Variants in GBP2 observed in about 807,000 individuals in gnomAD.
GBP2 encodes guanylate-binding protein 2.
GBP2 carries 54 observed loss-of-function variants against 60.8 expected under a neutral mutation model. The ratio of observed to expected loss-of-function variants is 0.89; its 90% confidence interval spans 0.71 to 1.11. GBP2 has a LOEUF of 1.11. Ranked by LOEUF, GBP2 falls within the 50% of genes most tolerant of loss-of-function variation. GBP2 has a pLI of 0.00. For synonymous variants in GBP2, 243 were observed against 256.5 expected (o/e 0.95, Z 0.50); for missense variants, 665 against 703.3 (o/e 0.95, Z 0.62).
chr1:89,118,301 A>G (rs1681322031), intron 4 of GBP2: 1 of 152,600 alleles, frequency 6.6e-6, no homozygotes, highest in African/African-American at 2.4e-5. Context: ...TGAAGAAACC[A>G]GTCATGTACA....
intron 6 of GBP2, among the ~76,000 whole-genome samples, chr1:89,116,528 A>G (rs1681276812): frequency 6.6e-6 from 1 of 152,124 alleles, no homozygotes; most frequent in Non-Finnish European, 1.5e-5. Flanking sequence ...GAATGAGGAT[A>G]AAAGTCACAT....
intron 2 of GBP2, 107 bp from the exon 3 acceptor site, chr1:89,121,377 A>G (rs1217041568): frequency 2.1e-6 from 2 of 969,012 alleles, no homozygotes; most frequent in Non-Finnish European, 3.0e-6. Flanking sequence ...AAGAAAATAC[A>G]ACTGGCATAA....
rs1024339018 is a variant in GBP2, at chr1:89,106,208, A to G, written c.*1967T>C. On this transcript the variant is annotated 3_prime_UTR_variant, in exon 11 of 11. Coordinates refer to ENST00000370466, the MANE Select transcript of GBP2 (RefSeq NM_004120.5). ...TGAGAGTGACTAATGAACAAACAGG[A>G]AAGAAATGTTCCGATTAAGTAAAAG... is the stretch of plus-strand genomic sequence containing the variant. 2 of 152,174 alleles carry G rather than the reference A, an allele frequency of 1.3e-5. No homozygotes were observed. Among genetic ancestry groups the G allele is most frequent in the Non-Finnish European group, 2.9e-5 (2 of 68,024 alleles). The allele number at this position is 152,174 out of a possible 1,614,324, so 9.4% of individuals were successfully genotyped here. A position where few individuals can be genotyped will look rare whatever the true frequency, so the allele number is the denominator to read the frequency against.
At position 89,109,658 on chromosome 1, in the gene GBP2, A is replaced by C; in HGVS notation, c.1659+19T>G. 4 of 1,607,958 alleles carry C rather than the reference A, an allele frequency of 2.5e-6. No individual in the cohort carries two copies. The highest frequency in any genetic ancestry group is 3.4e-6 in the Non-Finnish European group (4 of 1,177,004). ...TATGGGGCACTGGAAGAGAAAATTG[A>C]GATGATGCAATTGAATACCTGAAGT... On this transcript the variant is annotated intron_variant, in intron 10 of 10. Transcript: ENST00000370466.
At chr1:89,118,010 T>A in intron 4 of GBP2, 1 of 332,436 alleles carries the variant, frequency 3.0e-6, no homozygotes, top group Non-Finnish European at 5.4e-6. Context: ...CTATAGAGCT[T>A]ACATTCTAAT....
In GBP2 at chr1:89,121,873, A is replaced by C; in HGVS notation, c.94T>G (p.Ser32Ala). ...ACCACCACAGGCTGCGTAATTGCAGATAGGATCTTCAGAGCTTCTGGATTC... is the reference window on the plus strand; with the variant it reads ...ACCACCACAGGCTGCGTAATTGCAGCTAGGATCTTCAGAGCTTCTGGATTC... The part of the protein sequence containing the change: ...VVNPEALKIL[S>A]AITQPVVVVA... The change falls in exon 2 of 11, where the codon TCT (serine) becomes GCT (alanine). Residue 32 changes from serine to alanine, a missense_variant. By Grantham distance (99) the Ser-to-Ala change is moderately conservative. Coordinates refer to ENST00000370466, the MANE Select transcript of GBP2 (RefSeq NM_004120.5). 6.2e-7 allele frequency: 1 copy of C among 1,614,100 alleles called. No individual in the cohort carries two copies. The highest frequency in any genetic ancestry group is 2.2e-5 in the East Asian group (1 of 44,874).
chr1:89,120,312 AAAG>A, intron 3 of GBP2, 24 bp from the exon 4 acceptor site: 2 of 1,549,838 alleles, frequency 1.3e-6, no homozygotes, highest in East Asian at 2.2e-5. Context: ...TAGAAGCCAC[AAAG>A]AAGAATGACT....
chr1:89,120,888 A>G (rs1011684681), intron 3 of GBP2, among the ~76,000 whole-genome samples: 2 of 152,204 alleles, frequency 1.3e-5, no homozygotes, highest in Non-Finnish European at 2.9e-5. Flanking sequence ...ATTTTACTAT[A>G]ATATGAAAGA....
At chr1:89,108,439 A>AT (rs1241787177) in intron 10 of GBP2, 148 bp from the exon 11 acceptor site, 14 of 489,576 alleles carry the variant, frequency 2.9e-5, no homozygotes, top group African/African-American at 6.1e-5. Context: ...TTTTTCTATG[A>AT]TTTTTTTAGC....
In GBP2 at chr1:89,121,803, A is replaced by T; in HGVS notation, c.164T>A (p.Met55Lys). The change falls in exon 2 of 11, where the codon ATG becomes AAG. Residue 55 changes from methionine (M) to lysine (K), a missense_variant. Transcript: ENST00000370466. The part of the protein sequence containing the change: ...GLYRTGKSYL[M>K]NKLAGKKNGF... ...GTTTTTCTTCCCAGCCAGCTTGTTCATCAGGTAGGATTTGCCTGTGCGATA... is the reference window on the plus strand; with the variant it reads ...GTTTTTCTTCCCAGCCAGCTTGTTCTTCAGGTAGGATTTGCCTGTGCGATA... 6.2e-7 allele frequency: 1 copy of T among 1,613,952 alleles called. No individual in the cohort carries two copies. Among genetic ancestry groups the T allele is most frequent in the Non-Finnish European group, 8.5e-7 (1 of 1,179,916 alleles).
chr1:89,113,700 G>A (rs1681210436), intron 7 of GBP2, among the ~76,000 whole-genome samples: 1 of 151,896 alleles, frequency 6.6e-6, no homozygotes, highest in Non-Finnish European at 1.5e-5. Context: ...TAATTACCAG[G>A]GAACATAAAA....
At chr1:89,112,165 A>C (rs951479843) in intron 8 of GBP2, among the ~76,000 whole-genome samples, 2 of 151,732 alleles carry the variant, frequency 1.3e-5, no homozygotes, top group Non-Finnish European at 2.9e-5. Flanking sequence ...TTTTTTTTTT[A>C]ACTGCCGTAT....
intron 4 of GBP2, chr1:89,118,728 G>GT (rs1433963595): frequency 6.6e-6 from 1 of 152,140 alleles, no homozygotes; most frequent in African/African-American, 2.4e-5. Context: ...AACTTTGATA[G>GT]TGGAGCTGAA....
At chr1:89,120,331 A>G (rs1225078450) in intron 3 of GBP2, 43 bp from the exon 4 acceptor site, 3 of 1,449,468 alleles carry the variant, frequency 2.1e-6, no homozygotes, top group Admixed American at 1.7e-5. Context: ...TGACTAGCAG[A>G]ATGTACAATC....
At chr1:89,119,225 AG>A (rs1681346064) in intron 4 of GBP2, 1 of 152,372 alleles carries the variant, frequency 6.6e-6, no homozygotes, top group East Asian at 1.9e-4. Context: ...CAAGTGAAAC[AG>A]GCATTTCAGA....
chr1:89,116,920 T>C, intron 6 of GBP2, 72 bp downstream of exon 6: 1 of 1,520,116 alleles, frequency 6.6e-7, no homozygotes, highest in Non-Finnish European at 9.1e-7. Flanking sequence ...ACCCTTATGC[T>C]TTCCATTTTA....
Position 89,112,651 on chromosome 1 carries a change from T to C in GBP2, c.1183A>G (p.Lys395Glu). 1 of 1,614,180 alleles carries C rather than the reference T, an allele frequency of 6.2e-7. No homozygotes were observed. The highest frequency in any genetic ancestry group is 8.5e-7 in the Non-Finnish European group (1 of 1,180,016). The change falls in exon 8 of 11, where the codon AAG becomes GAG. Residue 395 changes from lysine to glutamate, a missense_variant. By Grantham distance (56) the Lys-to-Glu change is moderately conservative. Transcript: ENST00000370466. Reference protein sequence around the residue: ...QLEARRDDFCKQNSKASSDCC... With the variant: ...QLEARRDDFCEQNSKASSDCC... ...TCTGATGATGCTTTGGAATTCTGCT[T>C]ACAAAAGTCATCTCGCCTTGCTTCC...
chr1:89,117,209 A>G lies in GBP2; in HGVS notation c.651T>C (p.Phe217=), dbSNP rs1370718316. The change falls in exon 6 of 11, where the codon TTT becomes TTC. Residue 217 remains phenylalanine (F), a synonymous_variant. Transcript: ENST00000370466. ...TTCGGATGCACAACCGAGGATCATT[A>G]AAGCTTTTACTTTTCTTATCAGTAC... The part of the protein sequence containing the change: ...RKGTDKKSKS[F]NDPRLCIRKF... The G allele has an allele frequency of 1.2e-6, 2 of 1,613,804 alleles. No homozygotes were observed. Among genetic ancestry groups the G allele is most frequent in the Non-Finnish European group, 1.7e-6 (2 of 1,179,810 alleles).
At position 89,126,077 on chromosome 1, in the gene GBP2, GAA is replaced by G. The variant is rs1322360450; in HGVS notation, c.-234_-233del. The G allele has an allele frequency of 2.0e-5, 3 of 152,248 alleles. No homozygotes were observed. Among genetic ancestry groups the G allele is most frequent in the East Asian group, 3.9e-4 (2 of 5,184 alleles). 9.4% of individuals were successfully genotyped at this position (152,248 alleles called of 1,614,324 possible). ...ATGTCAGAGACCTGACGAGAGACAA[GAA>G]AAAGAGGTAACCTCTGCAAAGAAAT... On this transcript the variant is annotated 5_prime_UTR_variant, in exon 1 of 11. Transcript: ENST00000370466.
Sources: gnomAD v4.1 joint callset for allele counts (sites outside exome capture counted in the v4.1 genomes callset) on GRCh38, gnomAD v4.1.1 for gene constraint, MANE v1.5 for transcripts, NCBI Gene and HGNC (gene_info 2026-07-23, HGNC 2026-07-21) for gene names.